The following PKD1L3 variants were observed in gnomAD, a reference collection of about 807,000 sequenced individuals.
PKD1L3 encodes polycystin 1 like 3, transient receptor potential channel interacting.
In PKD1L3, 239 loss-of-function variants were observed where a neutral mutation model predicts 184.1. The ratio of observed to expected loss-of-function variants is 1.30; its 90% CI spans 1.17 to 1.45. The LOEUF (loss-of-function observed/expected upper bound fraction) is 1.45. Among genes scored for constraint, PKD1L3 ranks in the 40% most tolerant of loss-of-function variants. The pLI is 0.00. For synonymous variants in PKD1L3, 996 were observed against 778.8 expected, an observed-to-expected ratio of 1.28 and a Z score of -4.64; for missense variants, 2,660 against 2,067.2, an observed-to-expected ratio of 1.29 and a Z score of -5.56.
chr16:71,988,272 G>A (rs997117739), intron 4 of PKD1L3, among the ~76,000 whole-genome samples: 5 of 152,170 alleles, frequency 3.3e-5, no homozygotes, highest in Admixed American at 2.0e-4. Flanking sequence ...TTGGCTCACC[G>A]CAACCTCCAC....
rs895917790 is a variant in PKD1L3 at position 71,963,281 on chromosome 16, G to A, written c.2536C>T (p.Leu846=). The A allele has an allele frequency of 1.9e-6, 3 of 1,551,402 alleles. No individual in the cohort carries two copies. In the African/African-American group the frequency reaches 4.1e-5, roughly 21 times the overall value. Residue 846 remains leucine (L), a synonymous_variant, in exon 16 of 30, where the codon CTG becomes TTG. Coordinates refer to ENST00000620267, the MANE Select transcript of PKD1L3 (RefSeq NM_181536.2). ...TCACAGTCTCCGAGGTCCACAGCCA[G>A]CCAGCAATTGCACAGGAAATGCCAC... The part of the protein sequence containing the change: ...RKWHFLCNCW[L]AVDLGDCELD...
At chr16:71,944,700 TGTTTG>T in intron 22 of PKD1L3, among the ~76,000 whole-genome samples, 1 of 68,766 alleles carries the variant, frequency 1.5e-5, no homozygotes, top group Non-Finnish European at 3.2e-5. Flanking sequence ...ATCTGTTTTT[TGTTTG>T]TTTTTTTTTT....
At chr16:71,992,858 A>G (rs2040643596) in intron 3 of PKD1L3, among the ~76,000 whole-genome samples, 1 of 152,196 alleles carries the variant, frequency 6.6e-6, no homozygotes, top group African/African-American at 2.4e-5. Flanking sequence ...TTTCAGGCTA[A>G]TGCATCCTTC....
intron 16 of PKD1L3, among the ~76,000 whole-genome samples, chr16:71,959,780 A>G (rs1456754255): frequency 2.0e-5 from 3 of 152,162 alleles, no homozygotes; most frequent in Admixed American, 6.5e-5. Context: ...GAGGAGAAAG[A>G]GGAAAAAATA....
At position 71,973,344 on chromosome 16, in the gene PKD1L3, A is replaced by G. The variant is rs1203148316; in HGVS notation, c.1933T>C (p.Trp645Arg). The change falls in exon 12 of 30, where the codon TGG (tryptophan) becomes CGG (arginine). Residue 645 changes from tryptophan to arginine, a missense_variant. Physicochemically the swap from Trp to Arg is moderately radical, Grantham distance 101. Coordinates refer to ENST00000620267, the MANE Select transcript of PKD1L3 (RefSeq NM_181536.2). ...CTTACTTGGCATCCGGCGCTGCTCC[A>G]TGTCTGGTTGTGGATCTCCCAGTAG... ...CYYWEIHNQT[W>R]SSAGCQVGPQ... 1.3e-6 allele frequency: 2 copies of G among 1,551,662 alleles called. No individual in the cohort carries two copies. The highest frequency in any genetic ancestry group is 1.2e-5 in the South Asian group (1 of 84,060).
At chr16:71,980,244 A>C in intron 7 of PKD1L3, 110 bp from the exon 8 acceptor site, 1 of 1,354,328 alleles carries the variant, frequency 7.4e-7, no homozygotes, top group Non-Finnish European at 1.0e-6. Context: ...GTTGTAATGA[A>C]GGGTAGTATT....
At chr16:71,998,656 G>A (rs2040871307) in intron 1 of PKD1L3, among the ~76,000 whole-genome samples, 1 of 152,062 alleles carries the variant, frequency 6.6e-6, no homozygotes, top group South Asian at 2.1e-4. Flanking sequence ...TCACCATGTT[G>A]GCCAGGCTGG....
chr16:71,998,065 C>T (rs111712397), intron 2 of PKD1L3, among the ~76,000 whole-genome samples: 53 of 152,344 alleles, frequency 3.5e-4, no homozygotes, highest in African/African-American at 1.2e-3. Context: ...CAAGGCACAA[C>T]TCTTCCAACT....
chr16:71,942,774 G>C lies in PKD1L3; in HGVS notation c.4110C>G (p.Pro1370=). 2 of 1,551,644 alleles carry C rather than the reference G, an allele frequency of 1.3e-6. No individual in the cohort carries two copies. Among genetic ancestry groups the C allele is most frequent in the Non-Finnish European group, 1.7e-6 (2 of 1,146,994 alleles). The change falls in exon 24 of 30, where the codon CCC becomes CCG. Residue 1370 remains proline, a synonymous_variant. Transcript: ENST00000620267. Reference sequence around the variant, plus strand: ...CCACTTTCTCATAGGTCTTGGTACGGGGTATTTGGAAAATTAATTGTACCC... The same window carrying C: ...CCACTTTCTCATAGGTCTTGGTACGCGGTATTTGGAAAATTAATTGTACCC... ...KCGVQLIFQI[P]RTKTYEKVDE...
intron 3 of PKD1L3, among the ~76,000 whole-genome samples, chr16:71,992,611 A>G (rs2040632978): frequency 6.6e-6 from 1 of 152,220 alleles, no homozygotes; most frequent in South Asian, 2.1e-4. Context: ...TTTACAAAGG[A>G]TTGAGAAAAG....
At chr16:71,973,055 G>A (rs1313023277) in intron 12 of PKD1L3, among the ~76,000 whole-genome samples, 2 of 152,100 alleles carry the variant, frequency 1.3e-5, no homozygotes, top group Non-Finnish European at 2.9e-5. Flanking sequence ...GCTTCCACAC[G>A]CTATTTTATC....
At chr16:71,930,232 C>A in intron 28 of PKD1L3, 49 bp from the exon 29 acceptor site, 1 of 1,490,430 alleles carries the variant, frequency 6.7e-7, no homozygotes, top group Admixed American at 2.5e-5. Flanking sequence ...TTAGTTTATA[C>A]TTTACAAACA....
intron 26 of PKD1L3, 71 bp from the exon 27 acceptor site, chr16:71,934,196 T>C: frequency 7.0e-7 from 1 of 1,427,196 alleles, no homozygotes; most frequent in South Asian, 1.2e-5. Context: ...CCAGCGCCCC[T>C]GCTGCTGATC....
chr16:71,949,723 C>T, intron 21 of PKD1L3, 60 bp downstream of exon 21: 1 of 1,428,136 alleles, frequency 7.0e-7, no homozygotes, highest in South Asian at 1.3e-5. Context: ...GATTGACACC[C>T]AGGGACCTCA....
chr16:71,993,192 GTTACTAGAGGAGTAACGCA>G lies in PKD1L3; in HGVS notation c.535+5_535+23del. 6.9e-7 allele frequency: 1 copy of G among 1,457,106 alleles called. No individual in the cohort carries two copies. The highest frequency in any genetic ancestry group is 9.3e-7 in the Non-Finnish European group (1 of 1,075,126). The allele number at this position is 1,457,106 out of a possible 1,614,324, so 90.3% of individuals were successfully genotyped here. On this transcript the variant is annotated splice_donor_5th_base_variant and intron_variant, in intron 3 of 29. Transcript: ENST00000620267. Reference sequence around the variant, plus strand: ...GAAATTGATTCCACGGATTTTTAAGGTTACTAGAGGAGTAACGCATTACCTGGGGGCATTTTGTCTCTTG... The same window carrying G: ...GAAATTGATTCCACGGATTTTTAAGGTTACCTGGGGGCATTTTGTCTCTTG...
At chr16:71,988,894 T>C (rs545406367) in intron 4 of PKD1L3, among the ~76,000 whole-genome samples, 12 of 152,318 alleles carry the variant, frequency 7.9e-5, no homozygotes, top group African/African-American at 2.4e-4. Flanking sequence ...ATAAGCGTTA[T>C]CTTAACAAGT....
At chr16:71,948,280 G>A (rs888890643) in intron 21 of PKD1L3, among the ~76,000 whole-genome samples, 3 of 152,160 alleles carry the variant, frequency 2.0e-5, no homozygotes, top group African/African-American at 4.8e-5. Context: ...ACACGGTTTC[G>A]CCATGTTGGC....
rs758773672 is a variant in PKD1L3 at position 71,952,855 on chromosome 16, AATAAAATAAG to A, written c.3009+29_3009+38del. On this transcript the variant is annotated intron_variant, in intron 18 of 29. Transcript: ENST00000620267. ...CCTATGTCAAAACAAACAAGCAGGC[AATAAAATAAG>A]ATAAAATAAAATTTGATACCAATCT... 135 of 1,508,928 alleles carry A rather than the reference AATAAAATAAG, an allele frequency of 8.9e-5. 2 individuals carry two copies. In the South Asian group the frequency reaches 1.3e-3, roughly 14 times the overall value. 93.5% of individuals were successfully genotyped at this position (1,508,928 alleles called of 1,614,324 possible). A position where few individuals can be genotyped will look rare whatever the true frequency, so the allele number is the denominator to read the frequency against.
At chr16:71,947,997 A>G (rs1160184808) in intron 21 of PKD1L3, among the ~76,000 whole-genome samples, 1 of 151,442 alleles carries the variant, frequency 6.6e-6, no homozygotes, top group Admixed American at 6.6e-5. Flanking sequence ...GCTCACTGCA[A>G]CCTCCGCTTC....
Sources: allele counts gnomAD v4.1 joint callset (sites outside exome capture counted in the v4.1 genomes callset), GRCh38; gene constraint gnomAD v4.1.1; transcripts MANE v1.5; gene names NCBI Gene and HGNC (gene_info 2026-07-23, HGNC 2026-07-21).